Variants in SGCZ observed in about 807,000 individuals in gnomAD.
SGCZ encodes the protein zeta-sarcoglycan.
SGCZ carries 40 observed loss-of-function variants against 41.3 expected under a neutral mutation model. The observed-to-expected ratio is 0.97, with a 90% CI of 0.75 to 1.26. SGCZ has a LOEUF of 1.26. Ranked by LOEUF, SGCZ falls within the 50% of genes most tolerant of loss-of-function variation. The pLI is 0.00. For synonymous variants in SGCZ, 206 were observed against 137.5 expected (o/e 1.50, Z -3.49); for missense variants, 552 against 369.8 (o/e 1.49, Z -4.04).
intron 1 of SGCZ, among the ~76,000 whole-genome samples, chr8:14,919,615 A>G (rs1799532989): frequency 6.6e-6 from 1 of 152,094 alleles, no homozygotes; most frequent in South Asian, 2.1e-4. Flanking sequence ...TTTTGACAGT[A>G]GTACTATCTA....
intron 1 of SGCZ, among the ~76,000 whole-genome samples, chr8:14,656,451 C>G (rs1563182950): frequency 6.8e-6 from 1 of 146,110 alleles, no homozygotes; most frequent in African/African-American, 2.6e-5. Context: ...TCCCTCCCTT[C>G]CTTCTTTTCT....
intron 1 of SGCZ, among the ~76,000 whole-genome samples, chr8:15,149,393 T>A (rs1235378128): frequency 6.6e-6 from 1 of 152,212 alleles, no homozygotes; most frequent in Non-Finnish European, 1.5e-5. Flanking sequence ...CCCCACCAGA[T>A]AGGACTATGA....
Position 15,096,590 on chromosome 8 carries a change from A to G in SGCZ, c.39+140995T>C, listed in dbSNP as rs1287865965. 2.0e-5 allele frequency among the ~76,000 whole-genome samples: 3 copies of G among 152,348 alleles called. No individual in the cohort carries two copies. In the East Asian group the frequency reaches 5.8e-4, roughly 29 times the overall value. On this transcript the variant is annotated intron_variant, in intron 1 of 7. Transcript: ENST00000382080. Reference sequence around the variant, plus strand: ...GAAGCACAGGCCTGAGAAGCCTTAGAAAATTATATCTTATTTCTTCCCAGA... The same window carrying G: ...GAAGCACAGGCCTGAGAAGCCTTAGGAAATTATATCTTATTTCTTCCCAGA...
intron 1 of SGCZ, among the ~76,000 whole-genome samples, chr8:15,212,015 T>G (rs1356099558): frequency 6.6e-6 from 1 of 152,100 alleles, no homozygotes; most frequent in East Asian, 1.9e-4. Flanking sequence ...AGGTTTTGAG[T>G]GTCTACATTA....
rs148429624 is a variant in SGCZ, at chr8:14,828,746, G to C, written c.40-273820C>G. 2.8e-3 allele frequency among the ~76,000 whole-genome samples: 430 copies of C among 152,240 alleles called. 2 individuals carry two copies. The highest frequency in any genetic ancestry group is 9.9e-3 in the African/African-American group (410 of 41,530). On this transcript the variant is annotated intron_variant, in intron 1 of 7. Coordinates refer to ENST00000382080, the MANE Select transcript of SGCZ (RefSeq NM_139167.4). ...GGAGTGCCAAAGACCAACAACATCT[G>C]CTTAGTATGAGAGTGTTTTGAGAGA...
At chr8:14,284,410 T>C (rs567578319) in intron 3 of SGCZ, among the ~76,000 whole-genome samples, 6 of 152,322 alleles carry the variant, frequency 3.9e-5, no homozygotes, top group African/African-American at 1.2e-4. Flanking sequence ...ACACAAAAAA[T>C]AGACTTGTCT....
chr8:14,544,020 G>C (rs549951418), intron 2 of SGCZ, among the ~76,000 whole-genome samples: 1 of 152,154 alleles, frequency 6.6e-6, no homozygotes, highest in East Asian at 1.9e-4. Context: ...AAGGAGCCCC[G>C]AGCACAGAGT....
At chr8:14,569,956 T>A (rs1057213596) in intron 1 of SGCZ, among the ~76,000 whole-genome samples, 14 of 151,824 alleles carry the variant, frequency 9.2e-5, no homozygotes, top group South Asian at 2.1e-4. Flanking sequence ...ATCTTTTTTT[T>A]TTTTTTCAGC....
intron 4 of SGCZ, among the ~76,000 whole-genome samples, chr8:14,231,496 T>A (rs34293153): frequency 1.3e-5 from 2 of 151,736 alleles, no homozygotes; most frequent in Non-Finnish European, 2.9e-5. Context: ...GGTCCAATTA[T>A]GCATAATTTA....
chr8:14,222,520 T>C (rs915948923), intron 4 of SGCZ, among the ~76,000 whole-genome samples: 5 of 152,032 alleles, frequency 3.3e-5, no homozygotes, highest in African/African-American at 9.7e-5. Context: ...TTAACTTTCA[T>C]GCATATAAAT....
rs1157629203 is a variant in SGCZ at position 14,507,157 on chromosome 8, C to T, written c.234+47575G>A. On this transcript the variant is annotated intron_variant, in intron 2 of 7. Coordinates refer to ENST00000382080, the MANE Select transcript of SGCZ (RefSeq NM_139167.4). ...ACTGTATTCTTCTTTGGACTATTCT[C>T]TTTCACCCACCATATCCAATCTGCA... 2.3e-5 allele frequency among the ~76,000 whole-genome samples: 3 copies of T among 132,516 alleles called. No individual in the cohort carries two copies. In the East Asian group the frequency reaches 6.6e-4, roughly 29 times the overall value. 86.9% of individuals were successfully genotyped at this position (132,516 alleles called of 152,430 possible).
chr8:14,180,895 G>C (rs565610204), intron 4 of SGCZ, among the ~76,000 whole-genome samples: 6 of 151,898 alleles, frequency 4.0e-5, no homozygotes, highest in African/African-American at 1.4e-4. Flanking sequence ...GCAGTGGGGA[G>C]TGCCATGAAG....
intron 1 of SGCZ, among the ~76,000 whole-genome samples, chr8:15,109,163 T>C (rs1043554775): frequency 6.6e-6 from 1 of 152,192 alleles, no homozygotes; most frequent in South Asian, 2.1e-4. Context: ...TTGATTTTTC[T>C]TGATGATGAT....
At chr8:14,379,857 G>A (rs1804293896) in intron 2 of SGCZ, among the ~76,000 whole-genome samples, 1 of 152,008 alleles carries the variant, frequency 6.6e-6, no homozygotes, top group African/African-American at 2.4e-5. Context: ...TCAGCCTCCA[G>A]AGTAGCTGGG....
chr8:14,975,405 G>T (rs1437929205), intron 1 of SGCZ, among the ~76,000 whole-genome samples: 2 of 152,090 alleles, frequency 1.3e-5, no homozygotes, highest in African/African-American at 4.8e-5. Flanking sequence ...ATCCTCTCCT[G>T]GTTCTTATCA....
intron 2 of SGCZ, among the ~76,000 whole-genome samples, chr8:14,506,643 C>G (rs546095585): frequency 1.2e-4 from 18 of 152,270 alleles, no homozygotes; most frequent in African/African-American, 4.1e-4. Flanking sequence ...CCCCTTCTGT[C>G]TGGACTTTAA....
chr8:14,288,545 T>C (rs531883661), intron 3 of SGCZ, among the ~76,000 whole-genome samples: 1 of 152,164 alleles, frequency 6.6e-6, no homozygotes, highest in East Asian at 1.9e-4. Flanking sequence ...ATGACCTTTT[T>C]GGTCAGACTT....
rs117699210 is a variant in SGCZ, at chr8:14,429,399, C to T, written c.235-105195G>A. Among the ~76,000 whole-genome samples, 917 of 152,166 alleles carry T rather than the reference C, an allele frequency of 6.0e-3. 7 individuals carry two copies. Among genetic ancestry groups the T allele is most frequent in the Middle Eastern group, 0.017 (5 of 292 alleles). ...GCAATAGCTAGGGCAAAGTCACAAA[C>T]GTCAACACTTACAAGATATATTACT... On this transcript the variant is annotated intron_variant, in intron 2 of 7. Coordinates refer to ENST00000382080, the MANE Select transcript of SGCZ (RefSeq NM_139167.4).
intron 2 of SGCZ, among the ~76,000 whole-genome samples, chr8:14,534,806 C>A (rs1486330432): frequency 6.6e-6 from 1 of 151,916 alleles, no homozygotes; most frequent in Non-Finnish European, 1.5e-5. Flanking sequence ...ATATTTTAGG[C>A]TGATACTACT....
Sources: allele counts gnomAD v4.1 joint callset (sites outside exome capture counted in the v4.1 genomes callset), GRCh38; gene constraint gnomAD v4.1.1; transcripts MANE v1.5; gene names NCBI Gene and HGNC (gene_info 2026-07-23, HGNC 2026-07-21).